Variants in PTGIR observed in about 807,000 individuals in gnomAD.
The protein encoded by PTGIR is prostacyclin receptor.
A neutral mutation model predicts 17.6 loss-of-function variants in PTGIR; 16 were observed. The ratio of observed to expected loss-of-function variants is 0.91; its 90% CI spans 0.61 to 1.38. The LOEUF is 1.38. PTGIR is among the 40% of genes most tolerant of loss of function. PTGIR has a pLI of 0.00. For missense variants in PTGIR, 532 were observed against 548.6 expected, an observed-to-expected ratio of 0.97 and a Z score of 0.30; for synonymous variants, 274 against 255.4, an observed-to-expected ratio of 1.07 and a Z score of -0.69.
At chr19:46,624,318 CA>C in intron 1 of PTGIR, 81 bp from the exon 2 acceptor site, 2 of 1,342,288 alleles carry the variant, frequency 1.5e-6, no homozygotes, top group Non-Finnish European at 1.9e-6. Flanking sequence ...CCCTGCTGGC[CA>C]GTCCTTTTGG....
rs2052778915 is a variant in PTGIR at position 46,624,445 on chromosome 19, T to C, written c.-12-208A>G. 9.0e-6 allele frequency: 4 copies of C among 446,712 alleles called. No individual in the cohort carries two copies. The Admixed American group carries it at 1.7e-4, about 19-fold the overall frequency. 27.7% of individuals were successfully genotyped at this position (446,712 alleles called of 1,614,324 possible). ...CTCTCCCCACCTTCCTGTTTCTCTTTCTCTCTTTCTTTTCTTTCGTTTCTT... is the reference window on the plus strand; with the variant it reads ...CTCTCCCCACCTTCCTGTTTCTCTTCCTCTCTTTCTTTTCTTTCGTTTCTT... On this transcript the variant is annotated intron_variant, in intron 1 of 2. Coordinates refer to ENST00000291294, the MANE Select transcript of PTGIR (RefSeq NM_000960.4).
chr19:46,624,079 G>C lies in PTGIR; in HGVS notation c.147C>G (p.Phe49Leu). 2 of 1,542,192 alleles carry C rather than the reference G, an allele frequency of 1.3e-6. No homozygotes were observed. Among genetic ancestry groups the C allele is most frequent in the South Asian group, 1.2e-5 (1 of 84,066 alleles). Residue 49 changes from phenylalanine (F) to leucine (L), a missense_variant, in exon 2 of 3, where the codon TTC (phenylalanine) becomes TTG (leucine). Physicochemically the swap from Phe to Leu is conservative, Grantham distance 22. Transcript: ENST00000291294. Reference protein sequence around the residue: ...SARRPARPSAFAVLVTGLAAT... With the variant: ...SARRPARPSALAVLVTGLAAT... Reference sequence around the variant, plus strand: ...CCGCCAGTCCGGTCACCAGCACCGCGAAGGCCGAGGGGCGCGCCGGTCGCC... The same window carrying C: ...CCGCCAGTCCGGTCACCAGCACCGCCAAGGCCGAGGGGCGCGCCGGTCGCC...
rs888226642 is a variant in PTGIR, at chr19:46,624,299, C to T, written c.-12-62G>A. 7 of 1,384,520 alleles carry T rather than the reference C, an allele frequency of 5.1e-6. No homozygotes were observed. In the East Asian group the frequency reaches 1.7e-4, roughly 33 times the overall value. 85.8% of individuals were successfully genotyped at this position (1,384,520 alleles called of 1,614,324 possible). A position where few individuals can be genotyped will look rare whatever the true frequency, so the allele number is the denominator to read the frequency against. On this transcript the variant is annotated intron_variant, in intron 1 of 2. Coordinates refer to ENST00000291294, the MANE Select transcript of PTGIR (RefSeq NM_000960.4). ...AGGGCTACCCCCACCACCCAGCCCA[C>T]TCAGATGTCCCTGCTGGCCAGTCCT...
At chr19:46,619,572 AGAGAGAGAGAG>A (rs1568675635), downstream of PTGIR, among the ~76,000 whole-genome samples, 137 of 139,900 alleles carry the variant, frequency 9.8e-4, no homozygotes, top group African/African-American at 3.3e-3. Flanking sequence ...AGAGAGAGAG[AGAGAGAGAGAG>A]AAAGAAAGAA....
In PTGIR at chr19:46,620,818, G is replaced by A; in HGVS notation, c.*462C>T. 1 of 987,292 alleles carries A rather than the reference G, an allele frequency of 1.0e-6. No homozygotes were observed. The highest frequency in any genetic ancestry group is 1.7e-5 in the African/African-American group (1 of 57,416). The allele number at this position is 987,292 out of a possible 1,614,324, so 61.2% of individuals were successfully genotyped here. ...AGCTTTTCCAATAACTGTGGTTTTT[G>A]TGGAGCAGAAAGGGGCTGGCTCTTG... On this transcript the variant is annotated 3_prime_UTR_variant, in exon 3 of 3. Transcript: ENST00000291294.
chr19:46,619,490 G>A (rs1322093581), downstream of PTGIR, among the ~76,000 whole-genome samples: 1 of 131,400 alleles, frequency 7.6e-6, no homozygotes, highest in Non-Finnish European at 1.6e-5. Context: ...GTGATATTCT[G>A]TCTCAAAAAA....
chr19:46,621,077 C>T lies in PTGIR; in HGVS notation c.*203G>A. On this transcript the variant is annotated 3_prime_UTR_variant, in exon 3 of 3. Coordinates refer to ENST00000291294, the MANE Select transcript of PTGIR (RefSeq NM_000960.4). This position sits in a 1 kb window ranked among gnomAD's most constrained non-coding sequence, Gnocchi z 4.8. ...TATTTTGAGAGAACCATTCTTTCTGCACTCCAGGATAAACGTTTCCTCTGT... is the reference window on the plus strand; with the variant it reads ...TATTTTGAGAGAACCATTCTTTCTGTACTCCAGGATAAACGTTTCCTCTGT... 2 of 1,259,340 alleles carry T rather than the reference C, an allele frequency of 1.6e-6. No homozygotes were observed. 78.0% of individuals were successfully genotyped at this position (1,259,340 alleles called of 1,614,324 possible). A position where few individuals can be genotyped will look rare whatever the true frequency, so the allele number is the denominator to read the frequency against.
At position 46,621,601 on chromosome 19, in the gene PTGIR, G is replaced by C; in HGVS notation, c.840C>G (p.Phe280Leu). ...SEMGDLLAFR[F>L]YAFNPILDPW... is the part of the protein sequence containing the mutation. ...GGTCCAGGATGGGGTTGAAGGCGTA[G>C]AAGCGGAAGGCAAGGAGGTCCCCCA... is the stretch of plus-strand genomic sequence containing the variant. Residue 280 changes from phenylalanine to leucine, a missense_variant, in exon 3 of 3, where the codon TTC (phenylalanine) becomes TTG (leucine). Physicochemically the swap from Phe to Leu is conservative, Grantham distance 22. Coordinates refer to ENST00000291294, the MANE Select transcript of PTGIR (RefSeq NM_000960.4). This position sits in a 1 kb window ranked among gnomAD's most constrained non-coding sequence, Gnocchi z 4.8. 6.2e-7 allele frequency: 1 copy of C among 1,613,762 alleles called. No individual in the cohort carries two copies. The highest frequency in any genetic ancestry group is 8.5e-7 in the Non-Finnish European group (1 of 1,180,048).
downstream of PTGIR, among the ~76,000 whole-genome samples, chr19:46,619,577 GAGAGAGAA>G (rs1412594269): frequency 6.4e-4 from 67 of 104,834 alleles, 1 homozygote; most frequent in Non-Finnish European, 8.4e-4. Flanking sequence ...GAGAGAGAGA[GAGAGAGAA>G]AGAAAGAAAA....
chr19:46,613,627 C>T, the PTGIR span, among the ~76,000 whole-genome samples: 17 of 152,254 alleles, frequency 1.1e-4, no homozygotes, highest in African/African-American at 3.8e-4. Flanking sequence ...CCACCGCGCC[C>T]GGCCGTGCCA....
chr19:46,623,933 G>A lies in PTGIR; in HGVS notation c.293C>T (p.Ala98Val). ...GGACGCCAGGCCGAAGAAGGTCATG[G>A]CGAAGGCGAAGGCATCGCACAGGGC... The part of the protein sequence containing the change: ...GPALCDAFAF[A>V]MTFFGLASML... The change falls in exon 2 of 3, where the codon GCC (alanine) becomes GTC (valine). Residue 98 changes from alanine (A) to valine (V), a missense_variant. Coordinates refer to ENST00000291294, the MANE Select transcript of PTGIR (RefSeq NM_000960.4). 6.3e-7 allele frequency: 1 copy of A among 1,598,172 alleles called. No individual in the cohort carries two copies. The highest frequency in any genetic ancestry group is 8.5e-7 in the Non-Finnish European group (1 of 1,171,716).
Position 46,621,813 on chromosome 19 carries a change from C to G in PTGIR, c.769-141G>C. The G allele has an allele frequency of 1.4e-6, 2 of 1,424,216 alleles. No individual in the cohort carries two copies. The highest frequency in any genetic ancestry group is 3.1e-5 in the South Asian group (2 of 63,806). The allele number at this position is 1,424,216 out of a possible 1,614,324, so 88.2% of individuals were successfully genotyped here. Reference sequence around the variant, plus strand: ...AGGAGATAAGATAAAGACTAAGTAACAAATGTATCTGGGGAACACAGGGAG... The same window carrying G: ...AGGAGATAAGATAAAGACTAAGTAAGAAATGTATCTGGGGAACACAGGGAG... On this transcript the variant is annotated intron_variant, in intron 2 of 2. Transcript: ENST00000291294. This position sits in a 1 kb window ranked among gnomAD's most constrained non-coding sequence, Gnocchi z 4.8.
downstream of PTGIR, among the ~76,000 whole-genome samples, chr19:46,617,773 C>G (rs971769560): frequency 1.3e-5 from 2 of 151,826 alleles, no homozygotes; most frequent in African/African-American, 4.8e-5. Context: ...AAGGTTTGGC[C>G]AGGCGTGGTG....
downstream of PTGIR, chr19:46,620,356 C>T: frequency 1.1e-6 from 1 of 879,792 alleles, no homozygotes; most frequent in Non-Finnish European, 1.4e-6. Flanking sequence ...CCCACCTGAA[C>T]CTCCCAAAGT....
chr19:46,614,373 T>C, the PTGIR span: 3 of 985,110 alleles, frequency 3.0e-6, no homozygotes, highest in Non-Finnish European at 3.6e-6. Flanking sequence ...CATAAATCTG[T>C]GTGCGCCGGT....
chr19:46,623,508 G>C lies in PTGIR; in HGVS notation c.718C>G (p.Leu240Val). ...TGEDEVDHLI[L>V]LALMTVVMAV... ...ATGACCACTGTCATGAGGGCCAGCA[G>C]GATCAGGTGGTCCACCTCGTCCTCT... The change falls in exon 2 of 3, where the codon CTG becomes GTG. Residue 240 changes from leucine to valine, a missense_variant. Coordinates refer to ENST00000291294, the MANE Select transcript of PTGIR (RefSeq NM_000960.4). The C allele has an allele frequency of 1.3e-6, 2 of 1,578,660 alleles. No individual in the cohort carries two copies. The highest frequency in any genetic ancestry group is 1.7e-6 in the Non-Finnish European group (2 of 1,162,020).
At chr19:46,619,611 A>C (rs1286642090), downstream of PTGIR, among the ~76,000 whole-genome samples, 7 of 124,632 alleles carry the variant, frequency 5.6e-5, no homozygotes, top group African/African-American at 2.0e-4. Context: ...AAAGGAAAGA[A>C]AGAAAGAAAG....
the PTGIR span, among the ~76,000 whole-genome samples, chr19:46,611,188 C>CGG: frequency 9.2e-5 from 14 of 152,036 alleles, no homozygotes; most frequent in East Asian, 2.5e-3. Context: ...CATTCCAGTT[C>CGG]GGGGGGACGA....
In PTGIR at chr19:46,621,213, A is replaced by C; in HGVS notation, c.*67T>G. On this transcript the variant is annotated 3_prime_UTR_variant, in exon 3 of 3. Transcript: ENST00000291294. The surrounding 1 kb of genome is among the most constrained non-coding windows in gnomAD (Gnocchi z 4.8). ...GTTCCAGCATCCGCAGCCATCAGCC[A>C]TGTCCCTGATTTTCTGGCTCCTGTC... is the stretch of plus-strand genomic sequence containing the variant. The C allele has an allele frequency of 6.8e-7, 1 of 1,470,490 alleles. No homozygotes were observed. Among genetic ancestry groups the C allele is most frequent in the Non-Finnish European group, 9.0e-7 (1 of 1,108,178 alleles). The allele number at this position is 1,470,490 out of a possible 1,614,324, so 91.1% of individuals were successfully genotyped here. A position where few individuals can be genotyped will look rare whatever the true frequency, so the allele number is the denominator to read the frequency against.
Sources: allele counts gnomAD v4.1 joint callset (sites outside exome capture counted in the v4.1 genomes callset), GRCh38; gene constraint gnomAD v4.1.1; non-coding constraint Gnocchi (gnomAD v3.1); transcripts MANE v1.5; gene names NCBI Gene and HGNC (gene_info 2026-07-23, HGNC 2026-07-21).